The following GRIK4 variants were observed in gnomAD, a reference collection of about 807,000 sequenced individuals.
GRIK4 encodes glutamate ionotropic receptor kainate type subunit 4.
GRIK4 carries 40 observed loss-of-function variants against 104.9 expected under a neutral mutation model. The observed-to-expected ratio is 0.38, with a 90% confidence interval of 0.30 to 0.50. The LOEUF (loss-of-function observed/expected upper bound fraction) is 0.50. GRIK4 is among the 20% of genes least tolerant of loss of function. The pLI is 0.93. For missense variants in GRIK4, 1,047 were observed against 1,308.1 expected, an observed-to-expected ratio of 0.80 and a Z score of 3.08; for synonymous variants, 485 against 524.9, an observed-to-expected ratio of 0.92 and a Z score of 1.04.
rs779360183 is a variant in GRIK4 at position 120,967,292 on chromosome 11, G to A, written c.2364G>A (p.Lys788=). 2.5e-6 allele frequency: 4 copies of A among 1,613,926 alleles called. No individual in the cohort carries two copies. The South Asian group carries it at 4.4e-5, about 18-fold the overall frequency. The change falls in exon 19 of 21, where the codon AAG becomes AAA. Residue 788 remains lysine (K), a synonymous_variant. Transcript: ENST00000527524. The surrounding 1 kb of genome is among the most constrained non-coding windows in gnomAD (Gnocchi z 4.2). ...AGCGCAAATGGTGGGAAGGAGGGAAGTGCCCCAAGGAGGAAGATCACAGAG... is the reference window on the plus strand; with the variant it reads ...AGCGCAAATGGTGGGAAGGAGGGAAATGCCCCAAGGAGGAAGATCACAGAG... ...ILKRKWWEGG[K]CPKEEDHRAK... is the part of the protein sequence containing the mutation.
intron 13 of GRIK4, among the ~76,000 whole-genome samples, chr11:120,930,810 G>A (rs777850777): frequency 6.6e-6 from 1 of 152,200 alleles, no homozygotes; most frequent in Admixed American, 6.5e-5. Flanking sequence ...GGCTGCAGGG[G>A]AGGGGCAGTG....
intron 3 of GRIK4, among the ~76,000 whole-genome samples, chr11:120,795,043 C>G (rs573691576): frequency 6.6e-6 from 1 of 152,028 alleles, no homozygotes; most frequent in East Asian, 1.9e-4. Context: ...GCAGAGCTAA[C>G]GCACTCCCCA....
chr11:120,665,868 G>C (rs1949905540), intron 3 of GRIK4, among the ~76,000 whole-genome samples: 1 of 152,178 alleles, frequency 6.6e-6, no homozygotes, highest in Non-Finnish European at 1.5e-5. Flanking sequence ...GAGATATTCA[G>C]GCTGGCATGC....
intron 3 of GRIK4, among the ~76,000 whole-genome samples, chr11:120,661,771 T>C (rs1949821512): frequency 6.6e-6 from 1 of 152,042 alleles, no homozygotes. Flanking sequence ...GAATCAGAAA[T>C]GTGGACAGGT....
chr11:120,920,418 C>T (rs904534793), intron 13 of GRIK4, among the ~76,000 whole-genome samples: 9 of 152,132 alleles, frequency 5.9e-5, no homozygotes, highest in Non-Finnish European at 1.2e-4. Context: ...TGTCTGCCTG[C>T]TCCCCTGGGA....
chr11:120,677,753 T>A (rs575752528), intron 3 of GRIK4, among the ~76,000 whole-genome samples: 1 of 152,294 alleles, frequency 6.6e-6, no homozygotes, highest in African/African-American at 2.4e-5. Context: ...GCGCCTCCTT[T>A]TCCCTGTTTG....
At chr11:120,600,016 G>A (rs36009170) in intron 1 of GRIK4, among the ~76,000 whole-genome samples, 1 of 152,212 alleles carries the variant, frequency 6.6e-6, no homozygotes, top group Non-Finnish European at 1.5e-5. Context: ...GGGGCCTGGC[G>A]CATCAGAAAA....
chr11:120,938,166 C>T (rs1335265171), intron 13 of GRIK4, among the ~76,000 whole-genome samples: 2 of 152,126 alleles, frequency 1.3e-5, no homozygotes, highest in African/African-American at 2.4e-5. Context: ...CACCTGTGCT[C>T]AAAAGCTGAA....
At chr11:120,562,170 A>G (rs1011128032) in intron 1 of GRIK4, among the ~76,000 whole-genome samples, 5 of 152,216 alleles carry the variant, frequency 3.3e-5, no homozygotes, top group Non-Finnish European at 4.4e-5. Flanking sequence ...GCCTTAAGAT[A>G]TTACCTTTAT....
intron 2 of GRIK4, among the ~76,000 whole-genome samples, chr11:120,654,301 A>G (rs1430676724): frequency 1.3e-5 from 2 of 152,200 alleles, no homozygotes; most frequent in African/African-American, 4.8e-5. Flanking sequence ...TGTGAAATGG[A>G]GATGCAATGC....
chr11:120,519,901 GT>G lies in GRIK4; in HGVS notation c.-159+8023del, dbSNP rs529066169. Among the ~76,000 whole-genome samples, 56 of 92,078 alleles carry G rather than the reference GT, an allele frequency of 6.1e-4. No homozygotes were observed. The East Asian group carries it at 0.01, about 17-fold the overall frequency. 60.4% of individuals were successfully genotyped at this position (92,078 alleles called of 152,430 possible). A position where few individuals can be genotyped will look rare whatever the true frequency, so the allele number is the denominator to read the frequency against. ...TTTTGTTTTTTTTTTTGTTGTTGTT[GT>G]TTTTTTTTGAGACGGGGTCTTACTC... On this transcript the variant is annotated intron_variant, in intron 1 of 20. Coordinates refer to ENST00000527524, the MANE Select transcript of GRIK4 (RefSeq NM_014619.5).
chr11:120,943,516 T>G (rs978974590), intron 14 of GRIK4, among the ~76,000 whole-genome samples: 1 of 152,164 alleles, frequency 6.6e-6, no homozygotes, highest in Admixed American at 6.5e-5. Flanking sequence ...GATGAACTGG[T>G]AGAGTCCACC....
intron 9 of GRIK4, among the ~76,000 whole-genome samples, chr11:120,866,021 G>C (rs549806471): frequency 6.6e-6 from 1 of 152,112 alleles, no homozygotes; most frequent in Non-Finnish European, 1.5e-5. Flanking sequence ...GTTCTTGTGG[G>C]AACTGGAGTG....
rs531089485 is a variant in GRIK4 at position 120,767,025 on chromosome 11, C to CT, written c.83-35665dup. On this transcript the variant is annotated intron_variant, in intron 3 of 20. Transcript: ENST00000527524. The stretch of plus-strand genomic sequence containing the variant: ...ACAATGAACATGGCAGTTGAAATAT[C>CT]TTTATAAGGTAGTGATTTCATCTTC... Among the ~76,000 whole-genome samples, 24 of 152,102 alleles carry CT rather than the reference C, an allele frequency of 1.6e-4. No individual in the cohort carries two copies. In the South Asian group the frequency reaches 4.6e-3, roughly 29 times the overall value.
rs552688330 is a variant in GRIK4 at position 120,963,409 on chromosome 11, G to A, written c.2266+728G>A. Among the ~76,000 whole-genome samples the A allele has an allele frequency of 4.6e-5, 7 of 152,356 alleles. No individual in the cohort carries two copies. The East Asian group carries it at 1.2e-3, about 25-fold the overall frequency. On this transcript the variant is annotated intron_variant, in intron 18 of 20. Coordinates refer to ENST00000527524, the MANE Select transcript of GRIK4 (RefSeq NM_014619.5). ...GCTAACAGAACCTCCCCAAGAAGAT[G>A]AGGAGAGAACATGTTTAGCTGCTGT...
At chr11:120,730,741 C>A (rs969926177) in intron 3 of GRIK4, among the ~76,000 whole-genome samples, 20 of 152,042 alleles carry the variant, frequency 1.3e-4, no homozygotes, top group African/African-American at 4.8e-4. Flanking sequence ...TAATTTCTTT[C>A]ATCAGTGTTT....
At position 120,940,294 on chromosome 11, in the gene GRIK4, G is replaced by A; in HGVS notation, c.1477-53G>A. 1 of 1,098,690 alleles carries A rather than the reference G, an allele frequency of 9.1e-7. No homozygotes were observed. The allele number at this position is 1,098,690 out of a possible 1,614,324, so 68.1% of individuals were successfully genotyped here. ...TGACGGTTGCTGGTCGCAAGTCTCT[G>A]TGCCTCTTCTCCTATGGCCACCCCA... is the stretch of plus-strand genomic sequence containing the variant. On this transcript the variant is annotated intron_variant, in intron 13 of 20. Transcript: ENST00000527524. The surrounding 1 kb of genome is among the most constrained non-coding windows in gnomAD (Gnocchi z 4.3).
At chr11:120,547,599 T>C (rs1393356376) in intron 1 of GRIK4, among the ~76,000 whole-genome samples, 1 of 152,110 alleles carries the variant, frequency 6.6e-6, no homozygotes, top group African/African-American at 2.4e-5. Flanking sequence ...CAGGGATTTT[T>C]TTTTTTTGTC....
chr11:120,663,607 C>T (rs1006228547), intron 3 of GRIK4, among the ~76,000 whole-genome samples: 4 of 152,182 alleles, frequency 2.6e-5, no homozygotes, highest in South Asian at 2.1e-4. Flanking sequence ...ACTGAATGAA[C>T]GCTAGGCTCC....
Sources: gnomAD v4.1 joint callset for allele counts (sites outside exome capture counted in the v4.1 genomes callset) on GRCh38, gnomAD v4.1.1 for gene constraint, Gnocchi (gnomAD v3.1) non-coding constraint, MANE v1.5 for transcripts, NCBI Gene and HGNC (gene_info 2026-07-23, HGNC 2026-07-21) for gene names.